DGCR2: variants seen among roughly 807,000 people sequenced by gnomAD.
DGCR2 encodes integral membrane protein DGCR2/IDD.
Under a neutral mutation model 51.6 loss-of-function variants are expected in DGCR2, and 24 were observed. The observed-to-expected ratio is 0.47, with a 90% CI of 0.34 to 0.65. The LOEUF is 0.65. DGCR2 is among the 30% of genes least tolerant of loss of function. DGCR2 has a pLI of 0.01. For synonymous variants in DGCR2, 340 were observed against 315.4 expected (o/e 1.08, Z -0.82); for missense variants, 765 against 772.1 (o/e 0.99, Z 0.11).
intron 2 of DGCR2, among the ~76,000 whole-genome samples, chr22:19,069,999 C>G (rs1277825202): frequency 6.6e-6 from 1 of 152,188 alleles, no homozygotes; most frequent in Non-Finnish European, 1.5e-5. Flanking sequence ...GGGTACTTTA[C>G]CACCCCAAAA....
At chr22:19,066,550 C>T (rs1159320137) in intron 3 of DGCR2, among the ~76,000 whole-genome samples, 1 of 152,238 alleles carries the variant, frequency 6.6e-6, no homozygotes, top group East Asian at 1.9e-4. Flanking sequence ...TGACCACATG[C>T]CCCGCAGGTG....
chr22:19,112,077 A>T (rs751641061), intron 1 of DGCR2, among the ~76,000 whole-genome samples: 9 of 152,110 alleles, frequency 5.9e-5, no homozygotes, highest in Admixed American at 1.3e-4. Flanking sequence ...GTTCAAGACC[A>T]GCCTGGCCAT....
chr22:19,119,490 C>T (rs947396872), intron 1 of DGCR2, among the ~76,000 whole-genome samples: 5 of 152,160 alleles, frequency 3.3e-5, no homozygotes, highest in African/African-American at 7.2e-5. Flanking sequence ...AATTCCAGCA[C>T]TTTGGGAGGC....
At chr22:19,062,318 C>G (rs1488529578) in intron 5 of DGCR2, among the ~76,000 whole-genome samples, 2 of 152,196 alleles carry the variant, frequency 1.3e-5, no homozygotes, top group South Asian at 4.1e-4. Flanking sequence ...CCCACCTCTG[C>G]TCCTGCCCTG....
Position 19,068,134 on chromosome 22 carries a change from G to A in DGCR2, c.294C>T (p.His98=), listed in dbSNP as rs201797328. The change falls in exon 3 of 10, where the codon CAC becomes CAT. Residue 98 remains histidine, a synonymous_variant. Coordinates refer to ENST00000263196, the MANE Select transcript of DGCR2 (RefSeq NM_005137.3). ...RARGGDPSHF[H]AVNVAQPVRF... is the part of the protein sequence containing the mutation. ...GAACGGGCTGCGCCACGTTCACCGC[G>A]TGGAAGTGCGAAGGGTCGCCTCCTC... 6.3e-5 allele frequency: 101 copies of A among 1,608,274 alleles called. 1 individual carries two copies. The highest frequency in any genetic ancestry group is 3.6e-4 in the East Asian group (16 of 44,594).
chr22:19,110,522 C>A (rs758233924), intron 1 of DGCR2, among the ~76,000 whole-genome samples: 31 of 152,024 alleles, frequency 2.0e-4, no homozygotes, highest in Non-Finnish European at 3.8e-4. Context: ...GGGCTTAAAA[C>A]CTAGATGACA....
chr22:19,100,206 T>A (rs1477862801), intron 1 of DGCR2, among the ~76,000 whole-genome samples: 1 of 150,796 alleles, frequency 6.6e-6, no homozygotes, highest in Non-Finnish European at 1.5e-5. Context: ...GGAGGCGAGG[T>A]TGCAGTGAGC....
intron 5 of DGCR2, among the ~76,000 whole-genome samples, chr22:19,062,781 T>TCTCTCTCTCTCTCTCTCCTCTCC: frequency 7.4e-6 from 1 of 135,776 alleles, no homozygotes; most frequent in Non-Finnish European, 1.6e-5. Flanking sequence ...GCATGCTCAC[T>TCTCTCTCTCTCTCTCTCCTCTCC]CTCTCTCTCT....
At chr22:19,060,486 A>C (rs1282541399) in intron 5 of DGCR2, 1 of 157,540 alleles carries the variant, frequency 6.3e-6, no homozygotes, top group Admixed American at 6.5e-5. Context: ...TTAAATGAGC[A>C]AGTGACACAA....
At position 19,038,872 on chromosome 22, in the gene DGCR2, A is replaced by G. The variant is rs758263325; in HGVS notation, c.1646T>C (p.Val549Ala). ...GGGTACAGGCCAGGCCGTCTACACC[A>G]CAGTATTGAGGGAGCTGCGGCTGTG... The part of the protein sequence containing the change: ...GRHSRSSLNT[V>A]V The change falls in exon 10 of 10, where the codon GTG (valine) becomes GCG (alanine). Residue 549 changes from valine to alanine, a missense_variant. Coordinates refer to ENST00000263196, the MANE Select transcript of DGCR2 (RefSeq NM_005137.3). 7 of 1,612,720 alleles carry G rather than the reference A, an allele frequency of 4.3e-6. No homozygotes were observed. The highest frequency in any genetic ancestry group is 2.2e-5 in the East Asian group (1 of 44,874).
chr22:19,106,092 G>T (rs1471748666), intron 1 of DGCR2, among the ~76,000 whole-genome samples: 5 of 152,048 alleles, frequency 3.3e-5, no homozygotes, highest in Non-Finnish European at 7.4e-5. Context: ...GATCCGTTGC[G>T]AGACAAACAG....
In DGCR2 at chr22:19,101,697, C is replaced by T. The variant is rs559658476; in HGVS notation, c.80-12207G>A. Reference sequence around the variant, plus strand: ...TGGAGGTTGCAGTGAGCCAAGGTCACGCCATTGCACTCCAGCCTGGGCAAC... The same window carrying T: ...TGGAGGTTGCAGTGAGCCAAGGTCATGCCATTGCACTCCAGCCTGGGCAAC... On this transcript the variant is annotated intron_variant, in intron 1 of 9. Coordinates refer to ENST00000263196, the MANE Select transcript of DGCR2 (RefSeq NM_005137.3). Among the ~76,000 whole-genome samples, 11 of 145,758 alleles carry T rather than the reference C, an allele frequency of 7.5e-5. 1 individual carries two copies. The Middle Eastern group carries it at 0.012, about 154-fold the overall frequency.
Position 19,042,053 on chromosome 22 carries a change from G to A in DGCR2, c.1007-94C>T, listed in dbSNP as rs113475804. On this transcript the variant is annotated intron_variant, in intron 7 of 9. Transcript: ENST00000263196. Reference sequence around the variant, plus strand: ...TCGTCCTCCTGCCCAGGCGGGCTGTGTGGACAAGGCACACAGTGTCTCCCT... The same window carrying A: ...TCGTCCTCCTGCCCAGGCGGGCTGTATGGACAAGGCACACAGTGTCTCCCT... 1.3e-3 allele frequency: 1,879 copies of A among 1,447,108 alleles called. 2 individuals carry two copies. The highest frequency in any genetic ancestry group is 1.6e-3 in the Non-Finnish European group (1,739 of 1,077,980). The allele number at this position is 1,447,108 out of a possible 1,614,324, so 89.6% of individuals were successfully genotyped here.
intron 4 of DGCR2, among the ~76,000 whole-genome samples, chr22:19,063,849 G>A (rs5993489): frequency 0.13 from 20,027 of 152,136 alleles, 2,150 homozygotes; most frequent in African/African-American, 0.29. Flanking sequence ...AATACAACTC[G>A]GTGACTATGC....
intron 1 of DGCR2, among the ~76,000 whole-genome samples, chr22:19,102,428 C>A (rs1389934548): frequency 6.6e-6 from 1 of 151,882 alleles, no homozygotes. Flanking sequence ...TGGGGCCGGG[C>A]GTGGTGGCTC....
At chr22:19,053,773 G>A (rs1439941273) in intron 6 of DGCR2, among the ~76,000 whole-genome samples, 10 of 152,232 alleles carry the variant, frequency 6.6e-5, no homozygotes, top group African/African-American at 1.4e-4. Context: ...AAATAACTAC[G>A]ATTAATTTGT....
chr22:19,076,105 G>A (rs770969319), intron 2 of DGCR2, among the ~76,000 whole-genome samples: 4 of 150,974 alleles, frequency 2.6e-5, no homozygotes. Context: ...ATTAACAGGC[G>A]TGCGCCATGA....
At chr22:19,089,575 C>T in intron 1 of DGCR2, 85 bp from the exon 2 acceptor site, 1 of 1,335,442 alleles carries the variant, frequency 7.5e-7, no homozygotes. Flanking sequence ...AATCTCTTCC[C>T]ATTTGTTTGT....
intron 4 of DGCR2, 65 bp downstream of exon 4, chr22:19,064,783 G>A: frequency 6.8e-7 from 1 of 1,480,668 alleles, no homozygotes; most frequent in South Asian, 1.2e-5. Flanking sequence ...AGTGGTCAGA[G>A]GCCATGTGCT....
Sources: gnomAD v4.1 joint callset for allele counts (sites outside exome capture counted in the v4.1 genomes callset) on GRCh38, gnomAD v4.1.1 for gene constraint, MANE v1.5 for transcripts, NCBI Gene and HGNC (gene_info 2026-07-23, HGNC 2026-07-21) for gene names.